PRDM10: variants seen among roughly 807,000 people sequenced by gnomAD.
PRDM10 encodes PR/SET domain 10.
A neutral mutation model predicts 133.1 loss-of-function variants in PRDM10; 65 were observed. The ratio of observed to expected loss-of-function variants is 0.49; its 90% CI spans 0.40 to 0.60. The LOEUF is 0.60. Ranked by LOEUF, PRDM10 falls within the 20% of genes least tolerant of loss-of-function variation. The probability of loss-of-function intolerance (pLI) is 0.00; values close to 1 mark genes in which losing one functional copy is unlikely to be tolerated. For missense variants in PRDM10, 1,137 were observed against 1,507.1 expected, an observed-to-expected ratio of 0.75 and a Z score of 4.07; for synonymous variants, 582 against 580.4, an observed-to-expected ratio of 1.00 and a Z score of -0.04.
At chr11:129,964,019 C>T (rs1398302440) in intron 1 of PRDM10, among the ~76,000 whole-genome samples, 3 of 152,152 alleles carry the variant, frequency 2.0e-5, no homozygotes, top group Admixed American at 6.5e-5. Flanking sequence ...TTTCAGAATG[C>T]TCCTCAATTT....
chr11:129,903,133 A>G (rs1333090098), intron 20 of PRDM10, among the ~76,000 whole-genome samples: 2 of 151,980 alleles, frequency 1.3e-5, no homozygotes, highest in Non-Finnish European at 2.9e-5. Context: ...CGTCTCTACT[A>G]AACATACAAA....
chr11:130,000,592 T>C (rs1024602005), intron 1 of PRDM10, among the ~76,000 whole-genome samples: 8 of 152,212 alleles, frequency 5.3e-5, no homozygotes, highest in African/African-American at 1.4e-4. Flanking sequence ...TGGAGCATGC[T>C]ACAAAATATT....
chr11:129,998,732 T>C (rs1939189102), intron 1 of PRDM10, among the ~76,000 whole-genome samples: 1 of 151,640 alleles, frequency 6.6e-6, no homozygotes, highest in South Asian at 2.1e-4. Flanking sequence ...GGATGGTCAA[T>C]GGAAAGGCAC....
chr11:129,994,645 TTC>T (rs1227940502), intron 1 of PRDM10, among the ~76,000 whole-genome samples: 3 of 151,702 alleles, frequency 2.0e-5, no homozygotes, highest in African/African-American at 4.9e-5. Context: ...AACATAAAAT[TTC>T]TTTTTTTCTT....
Position 129,902,289 on chromosome 11 carries a change from T to G in PRDM10, c.*24A>C. 6.2e-7 allele frequency: 1 copy of G among 1,611,712 alleles called. No individual in the cohort carries two copies. Among genetic ancestry groups the G allele is most frequent in the Non-Finnish European group, 8.5e-7 (1 of 1,178,392 alleles). On this transcript the variant is annotated 3_prime_UTR_variant, in exon 21 of 21. Transcript: ENST00000360871. ...ATGAGAACAGACATGAGGTGGGTGCTGGATTCAAGCTCCAGGGTGGAAGTC... is the reference window on the plus strand; with the variant it reads ...ATGAGAACAGACATGAGGTGGGTGCGGGATTCAAGCTCCAGGGTGGAAGTC...
intron 10 of PRDM10, 117 bp downstream of exon 10, chr11:129,931,985 G>T: frequency 7.9e-7 from 1 of 1,262,986 alleles, no homozygotes; most frequent in Non-Finnish European, 1.1e-6. Flanking sequence ...CAGGCAGCAA[G>T]GTCTGATAGG....
chr11:129,978,705 T>G (rs1047501163), intron 1 of PRDM10, among the ~76,000 whole-genome samples: 2 of 152,178 alleles, frequency 1.3e-5, no homozygotes, highest in Non-Finnish European at 2.9e-5. Flanking sequence ...CCTCCTACTT[T>G]CCTTGTGCAC....
intron 2 of PRDM10, 103 bp from the exon 3 acceptor site, chr11:129,958,013 G>T (rs367843867): frequency 9.1e-6 from 12 of 1,312,452 alleles, no homozygotes; most frequent in African/African-American, 7.3e-5. Context: ...GGAGAATGGG[G>T]ATGGATACAC....
chr11:129,937,241 C>A (rs950949873), intron 8 of PRDM10, among the ~76,000 whole-genome samples: 3 of 152,144 alleles, frequency 2.0e-5, no homozygotes. Flanking sequence ...ATGTGTGCAG[C>A]TTTCTGTATG....
intron 17 of PRDM10, among the ~76,000 whole-genome samples, chr11:129,912,608 T>C (rs1323648382): frequency 6.6e-6 from 1 of 151,764 alleles, no homozygotes; most frequent in Non-Finnish European, 1.5e-5. Context: ...AAAAATTAGC[T>C]GGGTGTGGCG....
At chr11:129,997,587 G>GA (rs1006487783) in intron 1 of PRDM10, among the ~76,000 whole-genome samples, 15 of 149,202 alleles carry the variant, frequency 1.0e-4, no homozygotes, top group African/African-American at 3.1e-4. Context: ...AATCACAGGA[G>GA]AAAAAAATGT....
chr11:129,913,035 G>C (rs1378268139), intron 17 of PRDM10, among the ~76,000 whole-genome samples: 1 of 147,294 alleles, frequency 6.8e-6, no homozygotes, highest in African/African-American at 2.6e-5. Context: ...ACTCTAGCCC[G>C]GGCAACAGAG....
intron 1 of PRDM10, among the ~76,000 whole-genome samples, chr11:129,977,501 C>T (rs1937844016): frequency 6.6e-6 from 1 of 152,186 alleles, no homozygotes; most frequent in Non-Finnish European, 1.5e-5. Context: ...CCAGGATGGG[C>T]TCGATCTCCT....
intron 19 of PRDM10, among the ~76,000 whole-genome samples, chr11:129,909,508 C>T (rs1950119440): frequency 6.6e-6 from 1 of 151,940 alleles, no homozygotes; most frequent in South Asian, 2.1e-4. Flanking sequence ...TTGAGCCTGA[C>T]TCCATAGCAA....
chr11:129,906,579 G>A (rs1261806260), intron 19 of PRDM10, among the ~76,000 whole-genome samples: 1 of 152,174 alleles, frequency 6.6e-6, no homozygotes, highest in Non-Finnish European at 1.5e-5. Context: ...GGTATTTAAA[G>A]TGTTTATCCT....
chr11:129,918,836 T>C lies in PRDM10; in HGVS notation c.2035-118A>G, dbSNP rs1591594285. 9.4e-7 allele frequency: 1 copy of C among 1,060,192 alleles called. No homozygotes were observed. The highest frequency in any genetic ancestry group is 1.6e-5 in the African/African-American group (1 of 62,452). The allele number at this position is 1,060,192 out of a possible 1,614,324, so 65.7% of individuals were successfully genotyped here. Reference sequence around the variant, plus strand: ...GTCACCACAAGCCTCCAAGAGACATTTGAGTTGCTGGAACACTAGGACGCA... The same window carrying C: ...GTCACCACAAGCCTCCAAGAGACATCTGAGTTGCTGGAACACTAGGACGCA... On this transcript the variant is annotated intron_variant, in intron 13 of 20. Coordinates refer to ENST00000360871, the MANE Select transcript of PRDM10 (RefSeq NM_199437.2). This position sits in a 1 kb window ranked among gnomAD's most constrained non-coding sequence, Gnocchi z 5.3.
At position 129,979,231 on chromosome 11, in the gene PRDM10, C is replaced by T. The variant is rs996735770; in HGVS notation, c.-118-18149G>A. 5.9e-5 allele frequency among the ~76,000 whole-genome samples: 9 copies of T among 152,268 alleles called. No homozygotes were observed. In the South Asian group the frequency reaches 1.2e-3, roughly 21 times the overall value. On this transcript the variant is annotated intron_variant, in intron 1 of 20. Transcript: ENST00000360871. ...GTGGGAACCTCAAAGCACCAGAGTG[C>T]AGCACGTGCCTGCAAAAAAACTGCA...
chr11:129,911,397 T>C (rs560855865), intron 18 of PRDM10, among the ~76,000 whole-genome samples: 1 of 152,290 alleles, frequency 6.6e-6, no homozygotes, highest in Admixed American at 6.5e-5. Flanking sequence ...TCAGCACAGG[T>C]GGGTGAAGAG....
At chr11:129,927,929 CT>C (rs34468465) in intron 11 of PRDM10, among the ~76,000 whole-genome samples, 86,807 of 151,906 alleles carry the variant, frequency 0.57, 26,803 homozygotes, top group African/African-American at 0.82. Context: ...AGTTCTTCTG[CT>C]TTCCTGAGTT....
Sources: allele counts gnomAD v4.1 joint callset (sites outside exome capture counted in the v4.1 genomes callset), GRCh38; gene constraint gnomAD v4.1.1; non-coding constraint Gnocchi (gnomAD v3.1); transcripts MANE v1.5; gene names NCBI Gene and HGNC (gene_info 2026-07-23, HGNC 2026-07-21).